ADAMTS3: variants seen among roughly 807,000 people sequenced by gnomAD.
ADAMTS3 encodes ADAM metallopeptidase with thrombospondin type 1 motif 3, also known as A disintegrin and metalloproteinase with thrombospondin motifs 3.
A neutral mutation model predicts 129.0 loss-of-function variants in ADAMTS3; 73 were observed. That is an observed-to-expected ratio of 0.57 (90% CI 0.47 to 0.69). The LOEUF is 0.69. Ranked by LOEUF, ADAMTS3 falls within the 30% of genes least tolerant of loss-of-function variation. The pLI is 0.00. For synonymous variants in ADAMTS3, 477 were observed against 510.8 expected, an observed-to-expected ratio of 0.93 and a Z score of 0.89; for missense variants, 1,457 against 1,514.5, an observed-to-expected ratio of 0.96 and a Z score of 0.63.
chr4:72,505,888 G>A (rs1720148110), intron 3 of ADAMTS3, among the ~76,000 whole-genome samples: 1 of 152,196 alleles, frequency 6.6e-6, no homozygotes, highest in Non-Finnish European at 1.5e-5. Context: ...GTGAGCAGGT[G>A]CTCCAAATGC....
intron 3 of ADAMTS3, among the ~76,000 whole-genome samples, chr4:72,471,796 T>G (rs1281655480): frequency 1.3e-5 from 2 of 152,148 alleles, no homozygotes; most frequent in Non-Finnish European, 1.5e-5. Flanking sequence ...AATAAATCAA[T>G]ATTTAATTTT....
chr4:72,548,411 C>G (rs1721520467), intron 3 of ADAMTS3, 67 bp downstream of exon 3: 10 of 1,501,148 alleles, frequency 6.7e-6, no homozygotes, highest in Non-Finnish European at 8.1e-6. Flanking sequence ...ACCTTCCAAA[C>G]TATGCAGAAG....
intron 17 of ADAMTS3, among the ~76,000 whole-genome samples, chr4:72,298,929 T>C (rs896381586): frequency 6.6e-6 from 1 of 151,958 alleles, no homozygotes. Flanking sequence ...AAGATAGTAA[T>C]GTTCCCTCCA....
At chr4:72,422,468 G>A (rs958569537) in intron 3 of ADAMTS3, among the ~76,000 whole-genome samples, 1 of 151,876 alleles carries the variant, frequency 6.6e-6, no homozygotes, top group Non-Finnish European at 1.5e-5. Context: ...ATAGCATTAA[G>A]CACATTATGT....
intron 3 of ADAMTS3, among the ~76,000 whole-genome samples, chr4:72,427,192 G>C (rs1384742910): frequency 1.3e-5 from 2 of 152,066 alleles, no homozygotes; most frequent in Admixed American, 6.6e-5. Context: ...ACACATGCCA[G>C]TTCCACTCTT....
chr4:72,524,844 C>G (rs1241343974), intron 3 of ADAMTS3, among the ~76,000 whole-genome samples: 1 of 152,048 alleles, frequency 6.6e-6, no homozygotes, highest in East Asian at 1.9e-4. Context: ...TTTGAGTCAA[C>G]TGAAGGGAAG....
rs977650512 is a variant in ADAMTS3, at chr4:72,319,565, T to C, written c.1209-90A>G. On this transcript the variant is annotated intron_variant, in intron 8 of 21. Coordinates refer to ENST00000286657, the MANE Select transcript of ADAMTS3 (RefSeq NM_014243.3). ...TGAAAATAAGCCCTGGGAAATAACG[T>C]ATTTTTGAGTCAACGTGGCTTTCTT... is the stretch of plus-strand genomic sequence containing the variant. The C allele has an allele frequency of 1.0e-5, 15 of 1,443,512 alleles. 1 individual carries two copies. In the Admixed American group the frequency reaches 1.7e-4, roughly 17 times the overall value. The allele number at this position is 1,443,512 out of a possible 1,614,324, so 89.4% of individuals were successfully genotyped here.
At chr4:72,369,423 A>T (rs1247970439) in intron 4 of ADAMTS3, among the ~76,000 whole-genome samples, 2 of 152,122 alleles carry the variant, frequency 1.3e-5, no homozygotes, top group African/African-American at 4.8e-5. Context: ...GTACTAAAAA[A>T]AATGTGACCG....
intron 10 of ADAMTS3, 46 bp downstream of exon 10, chr4:72,318,526 A>G (rs1317080054): frequency 1.2e-6 from 2 of 1,600,738 alleles, no homozygotes; most frequent in Non-Finnish European, 1.7e-6. Context: ...GAGCTACACA[A>G]ATAGATTTCG....
chr4:72,517,651 T>C (rs898938185), intron 3 of ADAMTS3, among the ~76,000 whole-genome samples: 2 of 152,242 alleles, frequency 1.3e-5, no homozygotes, highest in Admixed American at 1.3e-4. Context: ...TCTCTGATGT[T>C]AGTTTGTATT....
chr4:72,448,165 A>G (rs185521457), intron 3 of ADAMTS3, among the ~76,000 whole-genome samples: 10 of 151,802 alleles, frequency 6.6e-5, no homozygotes, highest in Non-Finnish European at 1.3e-4. Context: ...CAATGTTTCC[A>G]TAAGACATTT....
intron 3 of ADAMTS3, among the ~76,000 whole-genome samples, chr4:72,482,330 A>G (rs1206321033): frequency 6.6e-6 from 1 of 152,148 alleles, no homozygotes. Context: ...ATCAATAAAA[A>G]AAATGAACAA....
At chr4:72,308,241 T>TA (rs1355079898) in intron 15 of ADAMTS3, among the ~76,000 whole-genome samples, 1 of 151,940 alleles carries the variant, frequency 6.6e-6, no homozygotes, top group East Asian at 1.9e-4. Flanking sequence ...ATTTGCTTTT[T>TA]AACAATTTTC....
intron 4 of ADAMTS3, among the ~76,000 whole-genome samples, chr4:72,352,219 G>A (rs143863984): frequency 6.6e-6 from 1 of 151,986 alleles, no homozygotes; most frequent in Non-Finnish European, 1.5e-5. Context: ...TACCACCAGT[G>A]GTATACAGTG....
rs185673515 is a variant in ADAMTS3 at position 72,352,206 on chromosome 4, C to T, written c.662-12513G>A. Among the ~76,000 whole-genome samples the T allele has an allele frequency of 6.5e-4, 99 of 152,120 alleles. 1 individual carries two copies. Among genetic ancestry groups the T allele is most frequent in the African/African-American group, 2.1e-3 (87 of 41,540 alleles). On this transcript the variant is annotated intron_variant, in intron 4 of 21. Coordinates refer to ENST00000286657, the MANE Select transcript of ADAMTS3 (RefSeq NM_014243.3). The stretch of plus-strand genomic sequence containing the variant: ...CGGATGTAGTGAGAACACTTTACCA[C>T]GTTACCACCAGTGGTATACAGTGGT...
At chr4:72,374,288 C>A (rs527277590) in intron 4 of ADAMTS3, among the ~76,000 whole-genome samples, 1 of 148,260 alleles carries the variant, frequency 6.7e-6, no homozygotes, top group African/African-American at 2.6e-5. Flanking sequence ...GGGAGTAACT[C>A]CTTTTTTTTT....
At chr4:72,509,499 A>T (rs1720255388) in intron 3 of ADAMTS3, among the ~76,000 whole-genome samples, 1 of 152,070 alleles carries the variant, frequency 6.6e-6, no homozygotes, top group Admixed American at 6.6e-5. Context: ...CTATGTGCCA[A>T]TAAATTGGAA....
At chr4:72,556,233 T>C (rs1721763242) in intron 2 of ADAMTS3, among the ~76,000 whole-genome samples, 1 of 151,748 alleles carries the variant, frequency 6.6e-6, no homozygotes. Context: ...GTGCACTGTA[T>C]GACATATGAC....
rs551665003 is a variant in ADAMTS3 at position 72,559,648 on chromosome 4, A to G, written c.97+7726T>C. Among the ~76,000 whole-genome samples, 756 of 151,830 alleles carry G rather than the reference A, an allele frequency of 5.0e-3. 21 individuals carry two copies. The highest frequency in any genetic ancestry group is 0.017 in the African/African-American group (705 of 41,120). ...GTAAAAGTTTTTTTAAAAAAAGAAA[A>G]AGAAACAGCACAAGTCAAAGACACA... On this transcript the variant is annotated intron_variant, in intron 2 of 21. Coordinates refer to ENST00000286657, the MANE Select transcript of ADAMTS3 (RefSeq NM_014243.3).
Sources: gnomAD v4.1 joint callset for allele counts (sites outside exome capture counted in the v4.1 genomes callset) on GRCh38, gnomAD v4.1.1 for gene constraint, MANE v1.5 for transcripts, NCBI Gene and HGNC (gene_info 2026-07-23, HGNC 2026-07-21) for gene names.